Variants in NDE1 observed in about 807,000 individuals in gnomAD.
The protein encoded by NDE1 is nuclear distribution protein nudE homolog 1.
NDE1 carries 28 observed loss-of-function variants against 43.4 expected under a neutral mutation model. That is an observed-to-expected ratio of 0.65 (90% CI 0.48 to 0.89). The LOEUF is 0.89. Among genes scored for constraint, NDE1 ranks in the 40% least tolerant of loss-of-function variants. The pLI, the probability that NDE1 is intolerant of heterozygous loss-of-function variation, is 0.00. For synonymous variants in NDE1, 184 were observed against 172.0 expected (o/e 1.07, Z -0.55); for missense variants, 441 against 434.1 (o/e 1.02, Z -0.14).
rs373842185 is a variant in NDE1, at chr16:15,687,375, C to T, written c.387C>T (p.Arg129=). ...ATAACTCTGCTTTTCTCTTCGCCAG[C>T]GCCACGATCATGTCTCTCGAAGACT... ...QANDDLERAK[R]ATIMSLEDFE... The change falls in exon 5 of 9, where the codon CGC becomes CGT. Residue 129 remains arginine, a splice_region_variant and synonymous_variant. Transcript: ENST00000396354. The T allele has an allele frequency of 6.6e-5, 106 of 1,614,002 alleles. 1 individual carries two copies. The highest frequency in any genetic ancestry group is 9.3e-5 in the African/African-American group (7 of 74,924).
intron 4 of NDE1, 154 bp from the exon 5 acceptor site, chr16:15,687,221 G>C (rs756820672): frequency 6.5e-7 from 1 of 1,544,466 alleles, no homozygotes; most frequent in South Asian, 1.2e-5. Context: ...TGCCCCAGAA[G>C]GTTAAGGGAC....
chr16:15,720,101 G>C, intron 8 of NDE1: 2 of 1,613,116 alleles, frequency 1.2e-6, no homozygotes. Context: ...TGGCCTGAGG[G>C]GAACTGTGCC....
upstream of NDE1, among the ~76,000 whole-genome samples, chr16:15,648,419 C>G (rs2036374936): frequency 6.6e-6 from 1 of 152,122 alleles, no homozygotes; most frequent in African/African-American, 2.4e-5. Flanking sequence ...GAAATTCCAG[C>G]CAAGCATGGT....
chr16:15,715,080 G>A lies in NDE1; in HGVS notation c.948-9111G>A, dbSNP rs943486107. On this transcript the variant is annotated intron_variant, in intron 8 of 8. Coordinates refer to ENST00000396354, the MANE Select transcript of NDE1 (RefSeq NM_017668.3). ...CTTGACCCTGGCATTGCCTTTCTCT[G>A]CCTGTCGCGGAGAGTTGGAGGGGTG... is the stretch of plus-strand genomic sequence containing the variant. 1.2e-6 allele frequency: 2 copies of A among 1,612,652 alleles called. No individual in the cohort carries two copies. The highest frequency in any genetic ancestry group is 1.3e-5 in the African/African-American group (1 of 74,870).
rs533753173 is a variant in NDE1, at chr16:15,714,849, G to A, written c.948-9342G>A. 2.2e-5 allele frequency: 35 copies of A among 1,600,982 alleles called. No homozygotes were observed. In the African/African-American group the frequency reaches 4.3e-4, roughly 20 times the overall value. ...CATTTGCAGGCCGAAAGGAGCCCGAGCCCCCAGTGCTTTTCTCTGGCCTGA... is the reference window on the plus strand; with the variant it reads ...CATTTGCAGGCCGAAAGGAGCCCGAACCCCCAGTGCTTTTCTCTGGCCTGA... On this transcript the variant is annotated intron_variant, in intron 8 of 8. Coordinates refer to ENST00000396354, the MANE Select transcript of NDE1 (RefSeq NM_017668.3).
chr16:15,700,135 C>T, intron 8 of NDE1: 1 of 1,073,694 alleles, frequency 9.3e-7, no homozygotes, highest in Non-Finnish European at 1.1e-6. Context: ...CTTGCTCTGT[C>T]ACCCAGGCTG....
At chr16:15,704,361 G>A (rs1333418956) in intron 8 of NDE1, among the ~76,000 whole-genome samples, 1 of 152,116 alleles carries the variant, frequency 6.6e-6, no homozygotes, top group African/African-American at 2.4e-5. Flanking sequence ...TTGCGGGGGT[G>A]GGTGGAGAAG....
chr16:15,709,268 A>G (rs2039644739), intron 8 of NDE1, among the ~76,000 whole-genome samples: 1 of 151,814 alleles, frequency 6.6e-6, no homozygotes, highest in Non-Finnish European at 1.5e-5. Context: ...CCTTAAGTCA[A>G]CGTTGCAGTG....
intron 8 of NDE1, chr16:15,717,475 C>G (rs1257899849): frequency 1.1e-6 from 1 of 931,542 alleles, no homozygotes; most frequent in Middle Eastern, 3.3e-4. Context: ...CCTGTCCTCT[C>G]CTTCATCCTG....
intron 8 of NDE1, among the ~76,000 whole-genome samples, chr16:15,706,065 A>G (rs1038467006): frequency 5.3e-5 from 8 of 150,970 alleles, no homozygotes; most frequent in African/African-American, 1.9e-4. Flanking sequence ...CCTTTTGTTG[A>G]CAGAGGATGG....
At chr16:15,703,073 AC>A (rs1174724799) in intron 8 of NDE1, 1 of 176,442 alleles carries the variant, frequency 5.7e-6, no homozygotes, top group Non-Finnish European at 1.2e-5. Context: ...ATGAAGCAAA[AC>A]CCAGCCTTCC....
At chr16:15,680,568 C>T (rs28673595) in intron 4 of NDE1, among the ~76,000 whole-genome samples, 13,596 of 152,172 alleles carry the variant, frequency 0.089, 1,881 homozygotes, top group African/African-American at 0.29. Flanking sequence ...GAGTCTCGCT[C>T]TGTCTCCCAG....
intron 1 of NDE1, chr16:15,651,577 G>A (rs1396211945): frequency 6.6e-6 from 1 of 152,256 alleles, no homozygotes; most frequent in East Asian, 1.9e-4. Context: ...GAGTAGCTGG[G>A]ACTACAGGTG....
At chr16:15,694,677 T>C (rs2038925924) in intron 7 of NDE1, 7 of 985,310 alleles carry the variant, frequency 7.1e-6, no homozygotes, top group Non-Finnish European at 8.4e-6. Flanking sequence ...GAGTTTTAGG[T>C]GTGGCTGCTC....
At chr16:15,703,097 C>T (rs938161201) in intron 8 of NDE1, 14 of 178,960 alleles carry the variant, frequency 7.8e-5, no homozygotes, top group South Asian at 2.0e-4. Flanking sequence ...AACTCCTTTT[C>T]CTCTATAGAA....
chr16:15,711,473 C>T (rs1431848519), intron 8 of NDE1, among the ~76,000 whole-genome samples: 4 of 152,090 alleles, frequency 2.6e-5, no homozygotes, highest in East Asian at 3.8e-4. Context: ...TTACTTTCAT[C>T]GTAACCAGTT....
intron 8 of NDE1, chr16:15,715,160 C>CT: frequency 6.2e-7 from 1 of 1,613,468 alleles, no homozygotes; most frequent in Non-Finnish European, 8.5e-7. Context: ...GTGGCAGGGG[C>CT]TACCTGCTCC....
At chr16:15,669,303 C>T (rs1004578936) in intron 3 of NDE1, among the ~76,000 whole-genome samples, 7 of 152,012 alleles carry the variant, frequency 4.6e-5, no homozygotes, top group African/African-American at 1.4e-4. Context: ...AAGTGATTGT[C>T]CCGCCTCAGC....
chr16:15,658,386 C>T (rs2036877275), intron 1 of NDE1, among the ~76,000 whole-genome samples: 1 of 152,182 alleles, frequency 6.6e-6, no homozygotes, highest in African/African-American at 2.4e-5. Context: ...TTAGGCTCAC[C>T]CTATCATTGG....
Sources: gnomAD v4.1 joint callset for allele counts (sites outside exome capture counted in the v4.1 genomes callset) on GRCh38, gnomAD v4.1.1 for gene constraint, MANE v1.5 for transcripts, NCBI Gene and HGNC (gene_info 2026-07-23, HGNC 2026-07-21) for gene names.